The following CFAP20DC variants were observed in gnomAD, a reference collection of about 807,000 sequenced individuals.
The protein encoded by CFAP20DC is CFAP20 domain containing, also known as protein CFAP20DC.
CFAP20DC carries 84 observed loss-of-function variants against 101.7 expected under a neutral mutation model. That is an observed-to-expected ratio of 0.83 (90% CI 0.69 to 0.99). The LOEUF (loss-of-function observed/expected upper bound fraction) is 0.99, where lower values mean the gene tolerates loss of function less well. Ranked by LOEUF, CFAP20DC falls within the 50% of genes least tolerant of loss-of-function variation. The pLI is 0.00. For missense variants in CFAP20DC, 1,007 were observed against 970.3 expected (o/e 1.04, Z -0.50); for synonymous variants, 359 against 351.2 (o/e 1.02, Z -0.25).
At chr3:58,860,609 A>G (rs1457459052) in intron 12 of CFAP20DC, among the ~76,000 whole-genome samples, 2 of 152,206 alleles carry the variant, frequency 1.3e-5, no homozygotes, top group Non-Finnish European at 2.9e-5. Context: ...GAATTCAGGG[A>G]AAAAATGGTA....
At chr3:58,816,946 A>G (rs754615236) in intron 14 of CFAP20DC, among the ~76,000 whole-genome samples, 2 of 152,196 alleles carry the variant, frequency 1.3e-5, no homozygotes, top group African/African-American at 4.8e-5. Flanking sequence ...GAGATCTGAG[A>G]ACCAGCAGAC....
At chr3:58,760,521 T>C (rs1490445066) in intron 15 of CFAP20DC, among the ~76,000 whole-genome samples, 2 of 152,162 alleles carry the variant, frequency 1.3e-5, no homozygotes, top group Non-Finnish European at 2.9e-5. Context: ...TTGAATACCC[T>C]TTATTTCCTT....
chr3:58,829,801 G>A (rs2050994783), intron 14 of CFAP20DC, among the ~76,000 whole-genome samples: 1 of 152,192 alleles, frequency 6.6e-6, no homozygotes, highest in Non-Finnish European at 1.5e-5. Flanking sequence ...GCAACCAAGA[G>A]TTCAGCCTTT....
chr3:58,937,927 T>G (rs1205401714), intron 4 of CFAP20DC, among the ~76,000 whole-genome samples, 165 bp from the exon 5 acceptor site: 1 of 152,200 alleles, frequency 6.6e-6, no homozygotes, highest in Non-Finnish European at 1.5e-5. Context: ...TAATAAAATT[T>G]CTTTCTTAAA....
intron 5 of CFAP20DC, among the ~76,000 whole-genome samples, chr3:58,936,428 A>G (rs1329149096): frequency 1.3e-5 from 2 of 152,350 alleles, no homozygotes; most frequent in South Asian, 4.1e-4. Context: ...TACTGGGTAT[A>G]TACCCAAAGG....
chr3:58,778,144 G>A (rs1440800247), intron 15 of CFAP20DC, among the ~76,000 whole-genome samples: 1 of 152,144 alleles, frequency 6.6e-6, no homozygotes, highest in Non-Finnish European at 1.5e-5. Flanking sequence ...ACCCCAGCCT[G>A]CTCAGTAGAA....
At chr3:58,935,646 C>T (rs1327012765) in intron 5 of CFAP20DC, among the ~76,000 whole-genome samples, 1 of 152,098 alleles carries the variant, frequency 6.6e-6, no homozygotes, top group African/African-American at 2.4e-5. Context: ...TGATCTTTGA[C>T]AAACCTGAGA....
intron 14 of CFAP20DC, among the ~76,000 whole-genome samples, chr3:58,808,383 A>C (rs1294283377): frequency 6.6e-6 from 1 of 152,254 alleles, no homozygotes; most frequent in Non-Finnish European, 1.5e-5. Context: ...AAATTCTACA[A>C]GCCAGAAAAG....
intron 15 of CFAP20DC, among the ~76,000 whole-genome samples, chr3:58,756,923 G>A (rs556559278): frequency 2.6e-5 from 4 of 152,008 alleles, no homozygotes; most frequent in African/African-American, 4.8e-5. Context: ...AGCATAATAC[G>A]TTACCCTATG....
chr3:58,853,829 A>G (rs1363944877), intron 12 of CFAP20DC, among the ~76,000 whole-genome samples: 24 of 152,188 alleles, frequency 1.6e-4, no homozygotes, highest in Non-Finnish European at 2.4e-4. Flanking sequence ...TTGATGGGAC[A>G]TATTTCAAAA....
At chr3:58,793,128 T>G (rs1332138822) in intron 15 of CFAP20DC, among the ~76,000 whole-genome samples, 1 of 152,196 alleles carries the variant, frequency 6.6e-6, no homozygotes, top group African/African-American at 2.4e-5. Context: ...TATATTATAC[T>G]ACCAGAGTGT....
chr3:58,908,988 G>T (rs897309510), intron 6 of CFAP20DC, among the ~76,000 whole-genome samples: 6 of 152,108 alleles, frequency 3.9e-5, no homozygotes, highest in African/African-American at 1.2e-4. Context: ...GGTTGCCAGG[G>T]GTTAGGGGAA....
intron 6 of CFAP20DC, among the ~76,000 whole-genome samples, chr3:58,907,491 C>G (rs369230165): frequency 6.6e-6 from 1 of 152,340 alleles, no homozygotes; most frequent in East Asian, 1.9e-4. Flanking sequence ...CATCTGCACA[C>G]TGCATTATCA....
At chr3:58,823,300 A>G (rs944192690) in intron 14 of CFAP20DC, among the ~76,000 whole-genome samples, 3 of 152,122 alleles carry the variant, frequency 2.0e-5, no homozygotes, top group African/African-American at 7.2e-5. Flanking sequence ...CAGTAAACCT[A>G]TTTCTAGGTA....
rs948813519 is a variant in CFAP20DC at position 59,049,917 on chromosome 3, AT to A, written c.-287del. On this transcript the variant is annotated 5_prime_UTR_variant, in exon 1 of 17. Transcript: ENST00000482387. ...GACTCCGGGCCGTCCCTGGGGAGTG[AT>A]TGTGTGTGTAACCTACGTGACGGGG... 18 of 489,396 alleles carry A rather than the reference AT, an allele frequency of 3.7e-5. No individual in the cohort carries two copies. The Admixed American group carries it at 5.8e-4, about 16-fold the overall frequency. The allele number at this position is 489,396 out of a possible 1,614,324, so 30.3% of individuals were successfully genotyped here. A position where few individuals can be genotyped will look rare whatever the true frequency, so the allele number is the denominator to read the frequency against.
intron 4 of CFAP20DC, among the ~76,000 whole-genome samples, chr3:59,021,399 T>C (rs1213609809): frequency 6.6e-6 from 1 of 152,052 alleles, no homozygotes; most frequent in East Asian, 1.9e-4. Flanking sequence ...TAGAAGTCAC[T>C]GGCAGGTGAC....
intron 3 of CFAP20DC, chr3:58,727,998 G>A (rs1285276434): frequency 1.3e-5 from 2 of 152,212 alleles, no homozygotes; most frequent in African/African-American, 4.8e-5. Flanking sequence ...GGCTAAAGAA[G>A]CAGGTCATGT....
chr3:58,962,986 T>G (rs541120597), intron 4 of CFAP20DC, among the ~76,000 whole-genome samples: 1 of 152,146 alleles, frequency 6.6e-6, no homozygotes, highest in Non-Finnish European at 1.5e-5. Context: ...TCTATTCATA[T>G]ACCACCAACA....
At chr3:58,748,202 G>A (rs762918409) in intron 16 of CFAP20DC, among the ~76,000 whole-genome samples, 1 of 152,116 alleles carries the variant, frequency 6.6e-6, no homozygotes, top group Non-Finnish European at 1.5e-5. Flanking sequence ...TTTGTTACAC[G>A]TGAAGGAGGG....
Sources: allele counts gnomAD v4.1 joint callset (sites outside exome capture counted in the v4.1 genomes callset), GRCh38; gene constraint gnomAD v4.1.1; transcripts MANE v1.5; gene names NCBI Gene and HGNC (gene_info 2026-07-23, HGNC 2026-07-21).